The following KPNA3 variants were observed in gnomAD, a reference collection of about 807,000 sequenced individuals.
KPNA3 encodes importin subunit alpha-4.
KPNA3 carries 13 observed loss-of-function variants against 73.8 expected under a neutral mutation model. That is an observed-to-expected ratio of 0.18 (90% CI 0.11 to 0.28). The LOEUF (loss-of-function observed/expected upper bound fraction) is 0.28. Ranked by LOEUF, KPNA3 falls within the 10% of genes least tolerant of loss-of-function variation. KPNA3 has a pLI of 1.00. For synonymous variants in KPNA3, 186 were observed against 206.9 expected, an observed-to-expected ratio of 0.90 and a Z score of 0.87; for missense variants, 360 against 618.1, an observed-to-expected ratio of 0.58 and a Z score of 4.43.
chr13:49,718,969 A>AAAGAT (rs3064497), intron 10 of KPNA3, among the ~76,000 whole-genome samples: 129,226 of 151,620 alleles, frequency 0.85, 55,262 homozygotes, highest in East Asian at 1. Flanking sequence ...GTATGTAGAT[A>AAAGAT]AAGATTACAA....
Position 49,700,855 on chromosome 13 carries a change from T to G in KPNA3, c.*945A>C, listed in dbSNP as rs1320351788. ...AACTCCTGAAAGCTGAAAGCAAGAT[T>G]TTTTTAAAAAACATCACCAATGGGT... On this transcript the variant is annotated 3_prime_UTR_variant, in exon 17 of 17. Transcript: ENST00000261667. The G allele has an allele frequency of 6.6e-6, 1 of 152,458 alleles. No homozygotes were observed. Among genetic ancestry groups the G allele is most frequent in the Non-Finnish European group, 1.5e-5 (1 of 68,036 alleles). 9.4% of individuals were successfully genotyped at this position (152,458 alleles called of 1,614,324 possible).
intron 1 of KPNA3, among the ~76,000 whole-genome samples, chr13:49,749,306 T>C (rs1042460042): frequency 6.6e-6 from 1 of 152,252 alleles, no homozygotes; most frequent in African/African-American, 2.4e-5. Flanking sequence ...GTGCTTCGAA[T>C]ATGAACATCT....
At chr13:49,784,332 C>G (rs1249802658) in intron 1 of KPNA3, among the ~76,000 whole-genome samples, 1 of 152,146 alleles carries the variant, frequency 6.6e-6, no homozygotes, top group African/African-American at 2.4e-5. Context: ...CAGAAGGAAA[C>G]AGACAAACCC....
rs80332465 is a variant in KPNA3, at chr13:49,778,153, T to A, written c.69+14285A>T. Among the ~76,000 whole-genome samples the A allele has an allele frequency of 9.3e-3, 1,412 of 152,334 alleles. 17 individuals carry two copies. Among genetic ancestry groups the A allele is most frequent in the African/African-American group, 0.032 (1,324 of 41,574 alleles). ...AGGGAAGAGTAGAAGTGGGTAGAGA[T>A]TGTTAAATCAAGTTTAGTCTAAAGC... On this transcript the variant is annotated intron_variant, in intron 1 of 16. Transcript: ENST00000261667.
chr13:49,719,957 G>A (rs2137542758), intron 9 of KPNA3, 138 bp from the exon 10 acceptor site: 6 of 569,956 alleles, frequency 1.1e-5, no homozygotes, highest in South Asian at 5.1e-5. Flanking sequence ...ATATCTTTTA[G>A]GAAAATGAAA....
Position 49,732,652 on chromosome 13 carries a change from G to T in KPNA3, c.240C>A (p.Ala80=), listed in dbSNP as rs772373818. 18 of 1,609,592 alleles carry T rather than the reference G, an allele frequency of 1.1e-5. No individual in the cohort carries two copies. The Admixed American group carries it at 3.0e-4, about 27-fold the overall frequency. The change falls in exon 5 of 17, where the codon GCC becomes GCA. Residue 80 remains alanine, a synonymous_variant. Transcript: ENST00000261667. ...NVTLEAILQN[A]TSDNPVVQLS... ...ATTGGACCACTGGGTTATCACTTGT[G>T]GCATTCTGCAATACCAAATGTAAAT...
rs564906042 is a variant in KPNA3, at chr13:49,730,217, AAGAAG to A, written c.383+2149_383+2153del. 1.1e-4 allele frequency among the ~76,000 whole-genome samples: 16 copies of A among 152,290 alleles called. No homozygotes were observed. The South Asian group carries it at 3.3e-3, about 32-fold the overall frequency. On this transcript the variant is annotated intron_variant, in intron 6 of 16. Transcript: ENST00000261667. ...AGACTGGAAAGAAAAGGAAAAAAAG[AAGAAG>A]AGAAGTTGGCCACAAACAAGGGGCC... is the stretch of plus-strand genomic sequence containing the variant.
At chr13:49,761,031 T>C (rs77403990) in intron 1 of KPNA3, among the ~76,000 whole-genome samples, 2,608 of 152,284 alleles carry the variant, frequency 0.017, 62 homozygotes, top group African/African-American at 0.059. Context: ...TTAAATAACA[T>C]ACATATTCTT....
At chr13:49,732,118 TTGAGA>T (rs1954475541) in intron 6 of KPNA3, among the ~76,000 whole-genome samples, 2 of 152,162 alleles carry the variant, frequency 1.3e-5, no homozygotes, top group South Asian at 4.1e-4. Context: ...CTATAAATAT[TTGAGA>T]TAAGTTAAAA....
chr13:49,772,989 C>A (rs1009720997), intron 1 of KPNA3, among the ~76,000 whole-genome samples: 1 of 151,956 alleles, frequency 6.6e-6, no homozygotes, highest in East Asian at 1.9e-4. Context: ...AAATGGCCAA[C>A]GGTAGGTAAA....
chr13:49,776,289 C>G (rs1446037716), intron 1 of KPNA3, among the ~76,000 whole-genome samples: 1 of 152,152 alleles, frequency 6.6e-6, no homozygotes, highest in African/African-American at 2.4e-5. Context: ...CAGAACTCAA[C>G]AGATAACTGA....
At chr13:49,704,284 G>A (rs1258212515) in intron 15 of KPNA3, among the ~76,000 whole-genome samples, 5 of 151,762 alleles carry the variant, frequency 3.3e-5, no homozygotes, top group Admixed American at 2.6e-4. Flanking sequence ...TTAGCCGGGC[G>A]TGGTGGTGCA....
intron 1 of KPNA3, among the ~76,000 whole-genome samples, chr13:49,749,526 C>G (rs11148161): frequency 0.3 from 45,341 of 151,946 alleles, 7,020 homozygotes; most frequent in Non-Finnish European, 0.34. Context: ...ATCCTGTGTT[C>G]CATCCCTTCT....
At chr13:49,778,578 A>T (rs536973493) in intron 1 of KPNA3, among the ~76,000 whole-genome samples, 1 of 152,312 alleles carries the variant, frequency 6.6e-6, no homozygotes, top group South Asian at 2.1e-4. Context: ...GCCACATGGG[A>T]GTTCAATATA....
At chr13:49,790,614 T>C (rs759835272) in intron 1 of KPNA3, among the ~76,000 whole-genome samples, 11 of 152,266 alleles carry the variant, frequency 7.2e-5, no homozygotes, top group Non-Finnish European at 1.5e-4. Flanking sequence ...AGTTACACTA[T>C]AGAATCCCGA....
At chr13:49,703,275 T>C (rs1019910132) in intron 15 of KPNA3, among the ~76,000 whole-genome samples, 1 of 147,394 alleles carries the variant, frequency 6.8e-6, no homozygotes, top group African/African-American at 2.5e-5. Flanking sequence ...CTCCACCTCC[T>C]GGGTTCAAGT....
intron 12 of KPNA3, among the ~76,000 whole-genome samples, chr13:49,709,070 C>A (rs915354393): frequency 2.6e-5 from 4 of 152,150 alleles, no homozygotes; most frequent in Non-Finnish European, 4.4e-5. Flanking sequence ...ATGTTTTTTA[C>A]TCTGTGATGA....
rs753281595 is a variant in KPNA3, at chr13:49,732,727, G to GT, written c.234+19dup. The GT allele has an allele frequency of 2.1e-5, 33 of 1,584,704 alleles. No homozygotes were observed. In the African/African-American group the frequency reaches 4.5e-4, roughly 22 times the overall value. ...AATTTCAAAATACTTCAAAACGAGAGTATTAATTTAGTAACATACCTGCAA... is the reference window on the plus strand; with the variant it reads ...AATTTCAAAATACTTCAAAACGAGAGTTATTAATTTAGTAACATACCTGCAA... On this transcript the variant is annotated intron_variant, in intron 4 of 16. Coordinates refer to ENST00000261667, the MANE Select transcript of KPNA3 (RefSeq NM_002267.4).
At chr13:49,755,873 T>C (rs907608421) in intron 1 of KPNA3, among the ~76,000 whole-genome samples, 6 of 152,182 alleles carry the variant, frequency 3.9e-5, no homozygotes, top group Non-Finnish European at 5.9e-5. Context: ...CCAAAAACTT[T>C]CCAGATCTAT....
Sources: gnomAD v4.1 joint callset for allele counts (sites outside exome capture counted in the v4.1 genomes callset) on GRCh38, gnomAD v4.1.1 for gene constraint, MANE v1.5 for transcripts, NCBI Gene and HGNC (gene_info 2026-07-23, HGNC 2026-07-21) for gene names.